Variants in MYO16 observed in about 807,000 individuals in gnomAD.
MYO16 encodes the protein unconventional myosin-XVI.
Under a neutral mutation model 205.3 loss-of-function variants are expected in MYO16, and 94 were observed. The observed-to-expected ratio is 0.46, with a 90% CI of 0.39 to 0.54. MYO16 has a LOEUF of 0.54. Ranked by LOEUF, MYO16 falls within the 20% of genes least tolerant of loss-of-function variation. The pLI is 0.00. For synonymous variants in MYO16, 988 were observed against 954.0 expected (o/e 1.04, Z -0.66); for missense variants, 2,315 against 2,387.5 (o/e 0.97, Z 0.63).
At chr13:108,631,986 G>A (rs1198906045) in intron 1 of MYO16, among the ~76,000 whole-genome samples, 8 of 150,696 alleles carry the variant, frequency 5.3e-5, no homozygotes, top group African/African-American at 1.7e-4. Context: ...GTTGAGGCAG[G>A]AGAATTGCTT....
chr13:109,074,876 T>A (rs1255758759), intron 27 of MYO16, among the ~76,000 whole-genome samples: 1 of 152,214 alleles, frequency 6.6e-6, no homozygotes, highest in African/African-American at 2.4e-5. Context: ...GGATTACAAT[T>A]CAACATGAGA....
chr13:109,009,173 T>A, intron 22 of MYO16, 124 bp downstream of exon 22: 1 of 763,072 alleles, frequency 1.3e-6, no homozygotes, highest in Non-Finnish European at 2.0e-6. Flanking sequence ...TCTGCAATAA[T>A]TTTTCAAAAT....
At chr13:108,534,716 C>A in the MYO16 span, among the ~76,000 whole-genome samples, 2 of 152,006 alleles carry the variant, frequency 1.3e-5, no homozygotes, top group Admixed American at 6.6e-5. Context: ...AAAAGTAATA[C>A]CTGACAGTTC....
chr13:108,649,779 G>T (rs989868371), intron 1 of MYO16, among the ~76,000 whole-genome samples: 1 of 152,178 alleles, frequency 6.6e-6, no homozygotes, highest in Non-Finnish European at 1.5e-5. Context: ...TTGCAATGAG[G>T]AGGGTTCTTA....
At chr13:109,181,929 C>T (rs1406319487) in intron 34 of MYO16, among the ~76,000 whole-genome samples, 1 of 151,706 alleles carries the variant, frequency 6.6e-6, no homozygotes, top group Non-Finnish European at 1.5e-5. Context: ...AAGTGATTCT[C>T]CTATCTCAGC....
rs184030664 is a variant in MYO16, at chr13:109,059,494, A to G, written c.3335+3899A>G. Among the ~76,000 whole-genome samples the G allele has an allele frequency of 2.6e-4, 40 of 152,266 alleles. No homozygotes were observed. In the East Asian group the frequency reaches 4.4e-3, roughly 17 times the overall value. ...TAGTTCTCAACAGTGAACTTCAAAT[A>G]TTTAGTAAACCATGCTGTAAATTGA... On this transcript the variant is annotated intron_variant, in intron 27 of 34. Coordinates refer to ENST00000457511, the MANE Select transcript of MYO16 (RefSeq NM_001198950.3).
intron 1 of MYO16, among the ~76,000 whole-genome samples, chr13:108,602,101 G>GAAA (rs11478461): frequency 5.1e-5 from 6 of 118,048 alleles, no homozygotes; most frequent in Admixed American, 8.9e-5. Context: ...AGGATATGAT[G>GAAA]AAAAAAAAAA....
At chr13:108,836,700 A>T (rs573489475) in intron 9 of MYO16, among the ~76,000 whole-genome samples, 1 of 152,328 alleles carries the variant, frequency 6.6e-6, no homozygotes, top group East Asian at 1.9e-4. Context: ...GTGGAGTCAA[A>T]AGAGAATCGT....
chr13:108,719,661 G>A (rs1021212300), intron 3 of MYO16, among the ~76,000 whole-genome samples: 28 of 152,108 alleles, frequency 1.8e-4, no homozygotes, highest in South Asian at 4.1e-4. Context: ...ACCCCAGGCC[G>A]CACCCACTTG....
intron 1 of MYO16, among the ~76,000 whole-genome samples, chr13:108,620,424 G>A (rs1879496455): frequency 6.6e-6 from 1 of 152,100 alleles, no homozygotes; most frequent in Non-Finnish European, 1.5e-5. Flanking sequence ...GAGGAAGCAG[G>A]GATGAACCGT....
At chr13:108,577,422 C>G in the MYO16 span, among the ~76,000 whole-genome samples, 3 of 152,308 alleles carry the variant, frequency 2.0e-5, no homozygotes, top group Non-Finnish European at 4.4e-5. Flanking sequence ...TAGAAGCTCT[C>G]TCTGTGCTCC....
intron 31 of MYO16, among the ~76,000 whole-genome samples, chr13:109,138,101 G>T (rs748598800): frequency 3.3e-5 from 5 of 152,332 alleles, no homozygotes; most frequent in South Asian, 2.1e-4. Context: ...TGAATAAAAG[G>T]TCATGCTGAG....
intron 1 of MYO16, among the ~76,000 whole-genome samples, chr13:108,610,386 A>T (rs1258508932): frequency 6.6e-6 from 1 of 151,882 alleles, no homozygotes; most frequent in African/African-American, 2.4e-5. Context: ...TGCACTAGAC[A>T]TTTTTTCTTG....
At chr13:108,767,311 C>T (rs2139668567) in intron 4 of MYO16, among the ~76,000 whole-genome samples, 1 of 152,220 alleles carries the variant, frequency 6.6e-6, no homozygotes, top group South Asian at 2.1e-4. Flanking sequence ...ACCATGTTAG[C>T]CAGGACGGTC....
intron 16 of MYO16, among the ~76,000 whole-genome samples, chr13:108,939,255 C>T (rs914369259): frequency 6.6e-6 from 1 of 152,190 alleles, no homozygotes; most frequent in Non-Finnish European, 1.5e-5. Context: ...CTTTCCAAGC[C>T]TCTCCGCCAG....
intron 3 of MYO16, among the ~76,000 whole-genome samples, chr13:108,722,276 TA>T (rs923620271): frequency 1.9e-4 from 29 of 152,120 alleles, no homozygotes; most frequent in Admixed American, 9.8e-4. Flanking sequence ...GTGGCTGACA[TA>T]AGGAAGAACA....
At chr13:108,869,462 C>A (rs1315938485) in intron 12 of MYO16, among the ~76,000 whole-genome samples, 1 of 151,822 alleles carries the variant, frequency 6.6e-6, no homozygotes, top group East Asian at 1.9e-4. Context: ...CGGTGGCTCA[C>A]TCCTGTAATC....
chr13:108,820,059 A>C (rs1266138226), intron 7 of MYO16, among the ~76,000 whole-genome samples: 1 of 152,258 alleles, frequency 6.6e-6, no homozygotes, highest in African/African-American at 2.4e-5. Context: ...TACGTATAAT[A>C]TAAACCTGAA....
At chr13:108,878,549 A>T (rs181495875) in intron 12 of MYO16, among the ~76,000 whole-genome samples, 151 of 152,324 alleles carry the variant, frequency 9.9e-4, no homozygotes, top group African/African-American at 3.3e-3. Context: ...TTTTTCCTGG[A>T]TGCCAGACAA....
Sources: gnomAD v4.1 joint callset for allele counts (sites outside exome capture counted in the v4.1 genomes callset) on GRCh38, gnomAD v4.1.1 for gene constraint, MANE v1.5 for transcripts, NCBI Gene and HGNC (gene_info 2026-07-23, HGNC 2026-07-21) for gene names.